RBMS3: variants seen among roughly 807,000 people sequenced by gnomAD.
RBMS3 encodes RNA-binding motif, single-stranded-interacting protein 3.
Under a neutral mutation model 66.8 loss-of-function variants are expected in RBMS3, and 27 were observed. The observed-to-expected ratio is 0.40, with a 90% CI of 0.30 to 0.56. The LOEUF (loss-of-function observed/expected upper bound fraction) is 0.56. Ranked by LOEUF, RBMS3 falls within the 20% of genes least tolerant of loss-of-function variation. The pLI is 0.40. For synonymous variants in RBMS3, 188 were observed against 183.0 expected, an observed-to-expected ratio of 1.03 and a Z score of -0.22; for missense variants, 513 against 549.5, an observed-to-expected ratio of 0.93 and a Z score of 0.66.
intron 4 of RBMS3, among the ~76,000 whole-genome samples, chr3:29,645,863 A>G (rs184504256): frequency 2.4e-4 from 37 of 152,356 alleles, no homozygotes; most frequent in Middle Eastern, 3.4e-3. Context: ...CCACTGGGTC[A>G]CTGGCCTTTA....
At chr3:29,544,037 AGTAAT>A (rs2045860555) in intron 3 of RBMS3, among the ~76,000 whole-genome samples, 1 of 152,128 alleles carries the variant, frequency 6.6e-6, no homozygotes, top group Non-Finnish European at 1.5e-5. Flanking sequence ...TACTTTTTAA[AGTAAT>A]GTAATTATTT....
intron 5 of RBMS3, among the ~76,000 whole-genome samples, chr3:29,755,761 C>T (rs1246289723): frequency 6.6e-6 from 1 of 152,144 alleles, no homozygotes; most frequent in African/African-American, 2.4e-5. Flanking sequence ...TCTCTCTACT[C>T]TTGCCTTTTG....
At chr3:29,372,015 A>T (rs2038228899) in intron 1 of RBMS3, among the ~76,000 whole-genome samples, 1 of 152,242 alleles carries the variant, frequency 6.6e-6, no homozygotes, top group African/African-American at 2.4e-5. Context: ...GATAACTTCT[A>T]GATCACAGAA....
chr3:29,981,391 T>C (rs1219293427), intron 12 of RBMS3, among the ~76,000 whole-genome samples: 1 of 152,198 alleles, frequency 6.6e-6, no homozygotes, highest in African/African-American at 2.4e-5. Context: ...ACAATTGGAC[T>C]TCCTCTCTTC....
intron 1 of RBMS3, among the ~76,000 whole-genome samples, chr3:29,392,848 G>A (rs1220329377): frequency 2.0e-5 from 3 of 151,752 alleles, no homozygotes; most frequent in African/African-American, 7.3e-5. Flanking sequence ...GATCATGCCA[G>A]TCACTTCACT....
intron 1 of RBMS3, among the ~76,000 whole-genome samples, chr3:29,422,044 A>C (rs2040761440): frequency 6.6e-6 from 1 of 152,216 alleles, no homozygotes. Flanking sequence ...AGTGCTTTAC[A>C]CACAATCACT....
At chr3:29,737,691 T>C (rs929506858) in intron 4 of RBMS3, among the ~76,000 whole-genome samples, 1 of 152,160 alleles carries the variant, frequency 6.6e-6, no homozygotes, top group African/African-American at 2.4e-5. Flanking sequence ...GTCCCCTTTT[T>C]TTTTATTTAC....
intron 1 of RBMS3, among the ~76,000 whole-genome samples, chr3:29,346,699 T>G (rs947154337): frequency 6.6e-6 from 1 of 152,140 alleles, no homozygotes; most frequent in Admixed American, 6.5e-5. Flanking sequence ...GGCCAGCAAT[T>G]CATTCTTATA....
chr3:29,461,988 G>A (rs1226835241), intron 2 of RBMS3, among the ~76,000 whole-genome samples: 1 of 137,794 alleles, frequency 7.3e-6, no homozygotes, highest in Non-Finnish European at 1.5e-5. Context: ...GTGTTAGCCA[G>A]GATGGTCTCG....
chr3:29,564,605 A>G (rs2046676872), intron 3 of RBMS3, among the ~76,000 whole-genome samples: 1 of 152,168 alleles, frequency 6.6e-6, no homozygotes, highest in African/African-American at 2.4e-5. Flanking sequence ...AGAAATTAGT[A>G]TATAGCATAT....
intron 4 of RBMS3, among the ~76,000 whole-genome samples, chr3:29,690,989 G>A (rs1240356340): frequency 6.6e-6 from 1 of 152,130 alleles, no homozygotes; most frequent in East Asian, 1.9e-4. Flanking sequence ...TATATTCTTT[G>A]TGTGCAATGC....
intron 1 of RBMS3, among the ~76,000 whole-genome samples, chr3:29,291,781 G>A (rs913212833): frequency 2.6e-5 from 4 of 151,628 alleles, no homozygotes; most frequent in African/African-American, 7.3e-5. Flanking sequence ...GAATCTACGT[G>A]CCTTTTAAAG....
chr3:29,525,277 AAAAAAT>A (rs554145676), intron 3 of RBMS3, among the ~76,000 whole-genome samples: 1 of 137,000 alleles, frequency 7.3e-6, no homozygotes, highest in African/African-American at 3.1e-5. Context: ...TTTAAAAATG[AAAAAAT>A]AAAAATAAAA....
At chr3:29,341,404 G>A (rs563540187) in intron 1 of RBMS3, among the ~76,000 whole-genome samples, 1 of 152,138 alleles carries the variant, frequency 6.6e-6, no homozygotes, top group African/African-American at 2.4e-5. Context: ...ACACTTATTT[G>A]TATTAATTCT....
intron 2 of RBMS3, among the ~76,000 whole-genome samples, chr3:29,442,698 C>G (rs942507587): frequency 6.6e-6 from 1 of 152,058 alleles, no homozygotes; most frequent in East Asian, 1.9e-4. Context: ...CAGATGGCAT[C>G]CTGGTTTTCT....
intron 6 of RBMS3, among the ~76,000 whole-genome samples, chr3:29,785,798 G>A (rs2056797797): frequency 6.6e-6 from 1 of 151,882 alleles, no homozygotes; most frequent in Admixed American, 6.6e-5. Flanking sequence ...AGGACTCCCA[G>A]TTTCACCACT....
intron 1 of RBMS3, among the ~76,000 whole-genome samples, chr3:29,372,031 A>C (rs1469835832): frequency 1.3e-5 from 2 of 152,226 alleles, no homozygotes; most frequent in Admixed American, 1.3e-4. Context: ...CAGAACAACA[A>C]GCATAGCCAA....
chr3:29,668,877 G>A (rs2050875601), intron 4 of RBMS3, among the ~76,000 whole-genome samples: 1 of 152,188 alleles, frequency 6.6e-6, no homozygotes, highest in South Asian at 2.1e-4. Flanking sequence ...AATAGATAAA[G>A]GCAAAACTGT....
At chr3:30,001,709 G>A (rs568036123) in intron 14 of RBMS3, among the ~76,000 whole-genome samples, 6 of 151,576 alleles carry the variant, frequency 4.0e-5, no homozygotes, top group Admixed American at 1.3e-4. Context: ...CTGTTTTACC[G>A]TTTGCAATTG....
Sources: gnomAD v4.1 joint callset for allele counts (sites outside exome capture counted in the v4.1 genomes callset) on GRCh38, gnomAD v4.1.1 for gene constraint, MANE v1.5 for transcripts, NCBI Gene and HGNC (gene_info 2026-07-23, HGNC 2026-07-21) for gene names.